OR2C1: variants seen among roughly 807,000 people sequenced by gnomAD.
OR2C1 encodes the protein olfactory receptor family 2 subfamily C member 1, also known as olfactory receptor 2C1.
For missense variants in OR2C1, 468 were observed against 388.3 expected, an observed-to-expected ratio of 1.21 and a Z score of -1.73; for synonymous variants, 209 against 167.3, an observed-to-expected ratio of 1.25 and a Z score of -1.92.
At chr16:3,345,330 C>G in the OR2C1 span, among the ~76,000 whole-genome samples, 231 of 151,780 alleles carry the variant, frequency 1.5e-3, no homozygotes, top group African/African-American at 5.3e-3. Context: ...TAAAAAAATA[C>G]AAAAAATTAG....
chr16:3,347,240 C>G, the OR2C1 span, among the ~76,000 whole-genome samples: 411 of 74,518 alleles, frequency 5.5e-3, 2 homozygotes, highest in Middle Eastern at 0.029. Flanking sequence ...GACCAGGACT[C>G]TGTCTCAAAA....
At chr16:3,352,722 G>T (rs2030591243), upstream of OR2C1, among the ~76,000 whole-genome samples, 1 of 141,868 alleles carries the variant, frequency 7.0e-6, no homozygotes, top group Non-Finnish European at 1.5e-5. Context: ...GTGTCTTTCT[G>T]TCTGTTTCTT....
At chr16:3,326,223 C>T in the OR2C1 span, among the ~76,000 whole-genome samples, 3 of 152,090 alleles carry the variant, frequency 2.0e-5, no homozygotes, top group Admixed American at 1.3e-4. Flanking sequence ...GCCACCGTGC[C>T]TGGCTCAAGT....
At chr16:3,343,909 T>G in the OR2C1 span, among the ~76,000 whole-genome samples, 1 of 152,166 alleles carries the variant, frequency 6.6e-6, no homozygotes, top group East Asian at 1.9e-4. Flanking sequence ...AAAGTTTATC[T>G]CGACTGGCTT....
At chr16:3,344,620 G>A in the OR2C1 span, among the ~76,000 whole-genome samples, 6 of 152,064 alleles carry the variant, frequency 3.9e-5, no homozygotes, top group African/African-American at 1.2e-4. Flanking sequence ...CCAGCTACTC[G>A]GGAGGCTGAG....
chr16:3,355,761 G>A, upstream of OR2C1: 1 of 592,536 alleles, frequency 1.7e-6, no homozygotes, highest in Non-Finnish European at 3.0e-6. Context: ...CAACCTGGGT[G>A]ACAGTGAGAG....
chr16:3,348,796 C>A, the OR2C1 span, among the ~76,000 whole-genome samples: 3 of 152,158 alleles, frequency 2.0e-5, no homozygotes, highest in African/African-American at 7.2e-5. Flanking sequence ...GCACCTGTTA[C>A]GTGTTTATTG....
At chr16:3,353,762 C>G (rs1290794071), upstream of OR2C1, among the ~76,000 whole-genome samples, 4 of 151,758 alleles carry the variant, frequency 2.6e-5, no homozygotes, top group Non-Finnish European at 4.4e-5. Context: ...GATCACGCCA[C>G]TGCACTCCAG....
At chr16:3,332,186 C>T in the OR2C1 span, among the ~76,000 whole-genome samples, 1 of 151,274 alleles carries the variant, frequency 6.6e-6, no homozygotes, top group African/African-American at 2.4e-5. Context: ...TGTAACTAAC[C>T]TGCACATTGT....
At chr16:3,347,767 AACACACATGCACACACGCAC>A in the OR2C1 span, among the ~76,000 whole-genome samples, 14 of 151,718 alleles carry the variant, frequency 9.2e-5, no homozygotes, top group East Asian at 1.7e-3. Flanking sequence ...CACACATATG[AACACACATGCACACACGCAC>A]ACACACATGC....
chr16:3,338,427 C>A, the OR2C1 span, among the ~76,000 whole-genome samples: 1 of 151,648 alleles, frequency 6.6e-6, no homozygotes, highest in Non-Finnish European at 1.5e-5. Flanking sequence ...GGAGATTTTT[C>A]CATGTGCTTG....
At chr16:3,350,440 C>T in the OR2C1 span, among the ~76,000 whole-genome samples, 1 of 147,576 alleles carries the variant, frequency 6.8e-6, no homozygotes, top group Non-Finnish European at 1.5e-5. Flanking sequence ...GAGATGGAGT[C>T]TTGCTCTGTC....
chr16:3,348,941 A>G, the OR2C1 span, among the ~76,000 whole-genome samples: 1 of 152,072 alleles, frequency 6.6e-6, no homozygotes, highest in Non-Finnish European at 1.5e-5. Flanking sequence ...AAAAGAACAA[A>G]CACTCAAGGA....
chr16:3,338,769 C>G, the OR2C1 span, among the ~76,000 whole-genome samples: 2 of 152,050 alleles, frequency 1.3e-5, no homozygotes, highest in African/African-American at 2.4e-5. Flanking sequence ...ATCTCCTGAC[C>G]TTGTGATCCG....
At chr16:3,335,520 C>CTTTTTTTTT in the OR2C1 span, among the ~76,000 whole-genome samples, 9 of 55,434 alleles carry the variant, frequency 1.6e-4, no homozygotes, top group African/African-American at 3.7e-4. Flanking sequence ...AATGCTACTG[C>CTTTTTTTTT]TTTTTTTTTT....
At chr16:3,344,146 A>T in the OR2C1 span, among the ~76,000 whole-genome samples, 1 of 152,086 alleles carries the variant, frequency 6.6e-6, no homozygotes, top group Non-Finnish European at 1.5e-5. Flanking sequence ...ACTTGAACCC[A>T]GGAGGTGGAG....
the OR2C1 span, among the ~76,000 whole-genome samples, chr16:3,333,209 CCA>C: frequency 2.0e-3 from 39 of 19,866 alleles, 1 homozygote; most frequent in African/African-American, 5.9e-3. Context: ...GATCTTTTGC[CCA>C]TTTTTTTTTT....
In OR2C1 at chr16:3,356,904, G is replaced by T. The variant is rs748294676; in HGVS notation, c.*25G>T. The stretch of plus-strand genomic sequence containing the variant: ...AGAGAACACTCCTTCGTTATTTATT[G>T]CGTCTTCATCTCTACATGCGTTTCT... On this transcript the variant is annotated 3_prime_UTR_variant, in exon 1 of 1. Transcript: ENST00000304936. 2.0e-6 allele frequency: 3 copies of T among 1,504,560 alleles called. No individual in the cohort carries two copies. The highest frequency in any genetic ancestry group is 2.7e-6 in the Non-Finnish European group (3 of 1,117,748). The allele number at this position is 1,504,560 out of a possible 1,614,324, so 93.2% of individuals were successfully genotyped here.
chr16:3,356,242 T>A lies in OR2C1; in HGVS notation c.302T>A (p.Leu101His), dbSNP rs1176927778. 4 of 1,614,128 alleles carry A rather than the reference T, an allele frequency of 2.5e-6. No individual in the cohort carries two copies. The highest frequency in any genetic ancestry group is 3.4e-6 in the Non-Finnish European group (4 of 1,180,042). Residue 101 changes from leucine (L) to histidine (H), a missense_variant, in exon 1 of 1, where the codon CTC becomes CAC. Physicochemically the swap from Leu to His is moderately conservative, Grantham distance 99. Transcript: ENST00000304936. The stretch of plus-strand genomic sequence containing the variant: ...AGCTATGGTGGCTGCATAACCCAGC[T>A]CTATGTCTTCCTTTGGCTGGGGGCC... ...TISYGGCITQ[L>H]YVFLWLGATE... is the part of the protein sequence containing the mutation.
Sources: allele counts gnomAD v4.1 joint callset (sites outside exome capture counted in the v4.1 genomes callset), GRCh38; gene constraint gnomAD v4.1.1; transcripts MANE v1.5; gene names NCBI Gene and HGNC (gene_info 2026-07-23, HGNC 2026-07-21).